Variants in PTPRN2 observed in about 807,000 individuals in gnomAD.
PTPRN2 encodes protein tyrosine phosphatase receptor type N2.
A neutral mutation model predicts 118.8 loss-of-function variants in PTPRN2; 74 were observed. The observed-to-expected ratio is 0.62, with a 90% CI of 0.52 to 0.76. The LOEUF (loss-of-function observed/expected upper bound fraction) is 0.76, where lower values mean the gene tolerates loss of function less well. PTPRN2 is among the 30% of genes least tolerant of loss of function. The pLI, the probability that PTPRN2 is intolerant of heterozygous loss-of-function variation, is 0.00. For synonymous variants in PTPRN2, 641 were observed against 608.0 expected (o/e 1.05, Z -0.80); for missense variants, 1,481 against 1,394.4 (o/e 1.06, Z -0.99).
chr7:158,125,167 C>T (rs947642272), intron 9 of PTPRN2, among the ~76,000 whole-genome samples: 5 of 152,032 alleles, frequency 3.3e-5, no homozygotes, highest in Admixed American at 1.3e-4. Context: ...CTCCCACGGC[C>T]GCCTCCCTGT....
intron 12 of PTPRN2, among the ~76,000 whole-genome samples, chr7:157,747,476 G>A (rs1249046034): frequency 9.9e-6 from 1 of 100,632 alleles, no homozygotes; most frequent in African/African-American, 4.5e-5. Context: ...TGGGGTGTCC[G>A]CGTGATTCTG....
intron 2 of PTPRN2, among the ~76,000 whole-genome samples, chr7:158,405,840 A>G (rs10253838): frequency 0.95 from 132,511 of 138,924 alleles, 63,333 homozygotes; most frequent in Admixed American, 0.96. Flanking sequence ...ACATGTGGCC[A>G]CACACTGAGA....
chr7:158,333,479 G>C (rs1295808781), intron 2 of PTPRN2, among the ~76,000 whole-genome samples: 12 of 144,324 alleles, frequency 8.3e-5, no homozygotes, highest in African/African-American at 2.9e-4. Flanking sequence ...CTCCATAAGA[G>C]GTGACACCTG....
chr7:158,412,232 C>A (rs867876003), intron 2 of PTPRN2, among the ~76,000 whole-genome samples: 23 of 110,032 alleles, frequency 2.1e-4, no homozygotes, highest in African/African-American at 7.4e-4. Flanking sequence ...GCACCCTCCT[C>A]AGCACCAGGG....
At chr7:157,677,576 G>C (rs1313852701) in intron 13 of PTPRN2, among the ~76,000 whole-genome samples, 1 of 152,094 alleles carries the variant, frequency 6.6e-6, no homozygotes, top group Non-Finnish European at 1.5e-5. Flanking sequence ...ACTTCAAAGG[G>C]GCACTTTCCA....
At chr7:158,439,277 G>A (rs983742591) in intron 2 of PTPRN2, among the ~76,000 whole-genome samples, 8 of 152,112 alleles carry the variant, frequency 5.3e-5, no homozygotes, top group Admixed American at 3.9e-4. Flanking sequence ...CTCAGCCCCC[G>A]ACCACCTCAG....
intron 4 of PTPRN2, among the ~76,000 whole-genome samples, chr7:158,204,213 A>C (rs1213645555): frequency 8.8e-6 from 1 of 113,510 alleles, no homozygotes; most frequent in South Asian, 3.1e-4. Flanking sequence ...GGTGAAGACG[A>C]AGCCCCCGCC....
intron 12 of PTPRN2, among the ~76,000 whole-genome samples, chr7:157,802,973 T>C (rs753717704): frequency 1.3e-5 from 2 of 152,334 alleles, no homozygotes; most frequent in Middle Eastern, 6.8e-3. Context: ...TTTATTATTA[T>C]TACTTTTTGG....
intron 12 of PTPRN2, among the ~76,000 whole-genome samples, chr7:157,838,443 G>C (rs1397980477): frequency 2.3e-5 from 2 of 86,594 alleles, no homozygotes; most frequent in African/African-American, 5.0e-5. Flanking sequence ...CTCCACCGTG[G>C]CTACTCCAGT....
At chr7:158,085,952 C>T (rs532331958) in intron 10 of PTPRN2, among the ~76,000 whole-genome samples, 3 of 151,320 alleles carry the variant, frequency 2.0e-5, no homozygotes, top group South Asian at 4.2e-4. Flanking sequence ...ACATACACGA[C>T]GCCCATCCAC....
intron 3 of PTPRN2, among the ~76,000 whole-genome samples, chr7:158,246,394 C>A (rs894234554): frequency 1.3e-5 from 2 of 151,284 alleles, no homozygotes; most frequent in South Asian, 2.1e-4. Context: ...CGAGACGCGT[C>A]TCTCTACCAA....
At chr7:157,980,068 T>C (rs929406254) in intron 11 of PTPRN2, among the ~76,000 whole-genome samples, 1 of 152,246 alleles carries the variant, frequency 6.6e-6, no homozygotes, top group Non-Finnish European at 1.5e-5. Flanking sequence ...CTTTGAAATG[T>C]AATCCTCATT....
rs1824717791 is a variant in PTPRN2 at position 158,525,642 on chromosome 7, C to T, written c.113-35857G>A. On this transcript the variant is annotated intron_variant, in intron 1 of 22. Coordinates refer to ENST00000389418, the MANE Select transcript of PTPRN2 (RefSeq NM_002847.5). The surrounding 1 kb of genome is among the most constrained non-coding windows in gnomAD (Gnocchi z 4.1). ...TTAATTATTATTCAGCATAATCACA[C>T]ATATTACGGGGATTTTTAAAGATCC... 6.6e-6 allele frequency among the ~76,000 whole-genome samples: 1 copy of T among 152,218 alleles called. No individual in the cohort carries two copies. Among genetic ancestry groups the T allele is most frequent in the African/African-American group, 2.4e-5 (1 of 41,458 alleles).
chr7:158,289,310 A>C (rs529147383), intron 3 of PTPRN2, among the ~76,000 whole-genome samples: 17 of 152,172 alleles, frequency 1.1e-4, no homozygotes, highest in African/African-American at 4.1e-4. Context: ...CAAATATTTG[A>C]TCTTTTGGTG....
In PTPRN2 at chr7:158,003,735, T is replaced by A. The variant is rs968497456; in HGVS notation, c.1723+77563A>T. Reference sequence around the variant, plus strand: ...GGCTCCAGCCCTGCGGTTGGCGGGATCCAGGTTTCTTGGTGGTGGCGAGCT... The same window carrying A: ...GGCTCCAGCCCTGCGGTTGGCGGGAACCAGGTTTCTTGGTGGTGGCGAGCT... On this transcript the variant is annotated intron_variant, in intron 11 of 22. Transcript: ENST00000389418. This position sits in a 1 kb window ranked among gnomAD's most constrained non-coding sequence, Gnocchi z 5.0. Among the ~76,000 whole-genome samples, 9 of 152,098 alleles carry A rather than the reference T, an allele frequency of 5.9e-5. No homozygotes were observed. The highest frequency in any genetic ancestry group is 1.5e-5 in the Non-Finnish European group (1 of 67,988).
rs12671737 is a variant in PTPRN2, at chr7:157,626,191, C to G, written c.2197-4682G>C. Among the ~76,000 whole-genome samples the G allele has an allele frequency of 5.4e-3, 821 of 152,212 alleles. 10 individuals carry two copies. The highest frequency in any genetic ancestry group is 0.019 in the African/African-American group (790 of 41,518). On this transcript the variant is annotated intron_variant, in intron 14 of 22. Coordinates refer to ENST00000389418, the MANE Select transcript of PTPRN2 (RefSeq NM_002847.5). ...TCCTGGCCCGTCACTGCAGCCTTCT[C>G]GCTGATCTTCTTACCATCGCTTCCC...
intron 12 of PTPRN2, among the ~76,000 whole-genome samples, chr7:157,867,694 A>G (rs1206161983): frequency 6.6e-6 from 1 of 152,234 alleles, no homozygotes; most frequent in Non-Finnish European, 1.5e-5. Context: ...ATCAACATGA[A>G]TAAACTTCAA....
At chr7:158,266,106 G>A (rs376222005) in intron 3 of PTPRN2, among the ~76,000 whole-genome samples, 5 of 125,392 alleles carry the variant, frequency 4.0e-5, no homozygotes, top group Admixed American at 8.1e-5. Context: ...TGGGGACGGC[G>A]TCTGCTGCGG....
chr7:158,258,584 A>G (rs2150917128), intron 3 of PTPRN2, among the ~76,000 whole-genome samples: 1 of 152,148 alleles, frequency 6.6e-6, no homozygotes, highest in South Asian at 2.1e-4. Context: ...ACCTCTGTGG[A>G]AGGGTCTGTG....
Sources: gnomAD v4.1 joint callset for allele counts (sites outside exome capture counted in the v4.1 genomes callset) on GRCh38, gnomAD v4.1.1 for gene constraint, Gnocchi (gnomAD v3.1) non-coding constraint, MANE v1.5 for transcripts, NCBI Gene and HGNC (gene_info 2026-07-23, HGNC 2026-07-21) for gene names.